Variants in RBFOX1 observed in about 807,000 individuals in gnomAD.
RBFOX1 encodes RNA binding protein fox-1 homolog 1.
Under a neutral mutation model 57.7 loss-of-function variants are expected in RBFOX1, and 8 were observed. The ratio of observed to expected loss-of-function variants is 0.14; its 90% CI spans 0.08 to 0.25. The LOEUF (loss-of-function observed/expected upper bound fraction) is 0.25, where lower values mean the gene tolerates loss of function less well. Ranked by LOEUF, RBFOX1 falls within the 10% of genes least tolerant of loss-of-function variation. The probability of loss-of-function intolerance (pLI) is 1.00; values close to 1 mark genes in which losing one functional copy is unlikely to be tolerated. For missense variants in RBFOX1, 611 were observed against 548.5 expected (o/e 1.11, Z -1.14); for synonymous variants, 326 against 222.4 (o/e 1.47, Z -4.15).
intron 3 of RBFOX1, among the ~76,000 whole-genome samples, chr16:6,995,191 A>G (rs1283487041): frequency 2.0e-5 from 3 of 151,942 alleles, no homozygotes; most frequent in Non-Finnish European, 2.9e-5. Flanking sequence ...GGCTTTACAT[A>G]ATGGGAATTG....
chr16:5,923,408 G>C (rs375762730), intron 4 of RBFOX1, among the ~76,000 whole-genome samples: 8 of 152,020 alleles, frequency 5.3e-5, no homozygotes, highest in Admixed American at 3.3e-4. Context: ...AGGGCCTTCA[G>C]GATTAGCCCC....
intron 3 of RBFOX1, among the ~76,000 whole-genome samples, chr16:6,936,046 A>G (rs140884498): frequency 3.0e-4 from 46 of 152,300 alleles, no homozygotes; most frequent in African/African-American, 1.1e-3. Flanking sequence ...TCAATGCGCA[A>G]GAGTATTTTG....
intron 2 of RBFOX1, among the ~76,000 whole-genome samples, chr16:6,411,267 C>G (rs1486541820): frequency 1.3e-5 from 2 of 152,194 alleles, no homozygotes; most frequent in African/African-American, 4.8e-5. Flanking sequence ...CTGGTGCAAG[C>G]CACCACACTT....
chr16:5,721,596 G>T (rs1411685533), intron 3 of RBFOX1, among the ~76,000 whole-genome samples: 3 of 152,010 alleles, frequency 2.0e-5, no homozygotes, highest in Non-Finnish European at 4.4e-5. Flanking sequence ...ATGCCACCTG[G>T]GAGTGTTTTC....
At chr16:7,695,161 G>T (rs750125641) in intron 14 of RBFOX1, among the ~76,000 whole-genome samples, 1 of 152,120 alleles carries the variant, frequency 6.6e-6, no homozygotes, top group Non-Finnish European at 1.5e-5. Flanking sequence ...GATATCCCTA[G>T]TCCTTTGATG....
intron 3 of RBFOX1, among the ~76,000 whole-genome samples, chr16:5,732,491 T>A (rs1167768844): frequency 6.6e-6 from 1 of 152,128 alleles, no homozygotes; most frequent in Non-Finnish European, 1.5e-5. Flanking sequence ...CTTGTCAAAA[T>A]GTGCAGAAAT....
chr16:5,679,325 A>C (rs1481758294), intron 3 of RBFOX1, among the ~76,000 whole-genome samples: 1 of 150,932 alleles, frequency 6.6e-6, no homozygotes, highest in East Asian at 1.9e-4. Context: ...CTGACCACCA[A>C]TTCTCTCTCT....
intron 1 of RBFOX1, 24 bp downstream of exon 1, chr16:6,020,016 C>T: frequency 1.3e-6 from 2 of 1,490,512 alleles, no homozygotes; most frequent in East Asian, 2.6e-5. Flanking sequence ...GAGTCATTGC[C>T]TCTGCACCCA....
intron 1 of RBFOX1, among the ~76,000 whole-genome samples, chr16:6,258,118 C>A (rs1212655387): frequency 6.6e-6 from 1 of 152,164 alleles, no homozygotes; most frequent in African/African-American, 2.4e-5. Flanking sequence ...ATCCCATCAT[C>A]TTTTGTAACG....
intron 1 of RBFOX1, among the ~76,000 whole-genome samples, chr16:6,062,879 T>C (rs1370495910): frequency 6.6e-6 from 1 of 152,000 alleles, no homozygotes; most frequent in Admixed American, 6.6e-5. Context: ...TAGTCTTGAG[T>C]CTGAAATCTG....
At chr16:6,721,270 C>T (rs868314230) in intron 3 of RBFOX1, among the ~76,000 whole-genome samples, 1 of 152,088 alleles carries the variant, frequency 6.6e-6, no homozygotes, top group African/African-American at 2.4e-5. Flanking sequence ...TGGTAAAACC[C>T]TGTCTGTACT....
At chr16:5,347,543 T>G (rs2065166591) in intron 1 of RBFOX1, among the ~76,000 whole-genome samples, 1 of 152,066 alleles carries the variant, frequency 6.6e-6, no homozygotes, top group African/African-American at 2.4e-5. Flanking sequence ...AAATCACTAT[T>G]CCATCCACCT....
chr16:7,045,021 G>A (rs943334408), intron 3 of RBFOX1, among the ~76,000 whole-genome samples: 8 of 152,180 alleles, frequency 5.3e-5, no homozygotes, highest in Non-Finnish European at 1.0e-4. Flanking sequence ...CTCATGATGG[G>A]ATTCTGCCGT....
intron 2 of RBFOX1, among the ~76,000 whole-genome samples, chr16:6,563,637 G>C (rs986594904): frequency 6.6e-6 from 1 of 152,024 alleles, no homozygotes; most frequent in African/African-American, 2.4e-5. Flanking sequence ...TGAGCTCAGG[G>C]GTTCACGACC....
At chr16:5,673,773 G>A (rs73514587) in intron 3 of RBFOX1, among the ~76,000 whole-genome samples, 3 of 152,194 alleles carry the variant, frequency 2.0e-5, no homozygotes, top group African/African-American at 7.2e-5. Flanking sequence ...ACACATGGCA[G>A]TGCATCACTG....
At chr16:7,426,896 G>A (rs902875802) in intron 4 of RBFOX1, among the ~76,000 whole-genome samples, 2 of 152,136 alleles carry the variant, frequency 1.3e-5, no homozygotes, top group Non-Finnish European at 2.9e-5. Context: ...AAACCTCTGA[G>A]TCTGTGGCAG....
intron 3 of RBFOX1, among the ~76,000 whole-genome samples, chr16:5,769,680 A>G (rs2053912105): frequency 6.6e-6 from 1 of 152,056 alleles, no homozygotes; most frequent in Admixed American, 6.6e-5. Flanking sequence ...TTGGACACAA[A>G]CAAATACAGG....
At chr16:5,452,855 G>A (rs148939223) in intron 1 of RBFOX1, among the ~76,000 whole-genome samples, 1 of 151,824 alleles carries the variant, frequency 6.6e-6, no homozygotes, top group African/African-American at 2.4e-5. Context: ...GGCTGGCCTC[G>A]AGTTCCTGAT....
rs543177874 is a variant in RBFOX1 at position 7,610,522 on chromosome 16, C to G, written c.676+3184C>G. 2.7e-3 allele frequency among the ~76,000 whole-genome samples: 413 copies of G among 152,282 alleles called. 1 individual carries two copies. Among genetic ancestry groups the G allele is most frequent in the Non-Finnish European group, 3.3e-3 (227 of 68,020 alleles). On this transcript the variant is annotated intron_variant, in intron 10 of 15. Coordinates refer to ENST00000550418, the MANE Select transcript of RBFOX1 (RefSeq NM_018723.4). ...ATGATTCCAGCTGCCACCACCACCA[C>G]CATATTCACAAGTGTTACATGACAA...
Sources: allele counts gnomAD v4.1 joint callset (sites outside exome capture counted in the v4.1 genomes callset), GRCh38; gene constraint gnomAD v4.1.1; transcripts MANE v1.5; gene names NCBI Gene and HGNC (gene_info 2026-07-23, HGNC 2026-07-21).